Variants in ORC5 observed in about 807,000 individuals in gnomAD.
ORC5 encodes the protein protein phosphatase 1, regulatory subunit 117.
ORC5 carries 39 observed loss-of-function variants against 58.8 expected under a neutral mutation model. The observed-to-expected ratio is 0.66, with a 90% CI of 0.51 to 0.87. The LOEUF (loss-of-function observed/expected upper bound fraction) is 0.87. ORC5 is among the 40% of genes least tolerant of loss of function. The pLI is 0.00. For missense variants in ORC5, 493 were observed against 506.3 expected (o/e 0.97, Z 0.25); for synonymous variants, 218 against 177.6 (o/e 1.23, Z -1.81).
chr7:104,166,946 T>C (rs1799117457), intron 9 of ORC5, 62 bp from the exon 10 acceptor site: 2 of 900,326 alleles, frequency 2.2e-6, no homozygotes, highest in Admixed American at 4.1e-5. Flanking sequence ...TAAGTATCTC[T>C]TCTCACTTGA....
In ORC5 at chr7:104,126,545, G is replaced by T. The variant is rs1798431490; in HGVS notation, c.*303C>A. 1 of 269,678 alleles carries T rather than the reference G, an allele frequency of 3.7e-6. No homozygotes were observed. The highest frequency in any genetic ancestry group is 6.9e-6 in the Non-Finnish European group (1 of 144,314). 16.7% of individuals were successfully genotyped at this position (269,678 alleles called of 1,614,324 possible). A position where few individuals can be genotyped will look rare whatever the true frequency, so the allele number is the denominator to read the frequency against. ...GAGCAAAATGTAGTCCTAAGTAAAT[G>T]GGTTTCAGGCAATTTCAGTGTTAAG... On this transcript the variant is annotated 3_prime_UTR_variant, in exon 14 of 14. Coordinates refer to ENST00000297431, the MANE Select transcript of ORC5 (RefSeq NM_002553.4).
chr7:104,194,715 G>C (rs1799756889), intron 5 of ORC5, among the ~76,000 whole-genome samples: 1 of 152,022 alleles, frequency 6.6e-6, no homozygotes, highest in Non-Finnish European at 1.5e-5. Flanking sequence ...TACAAGTCTA[G>C]TCTGATTATT....
At chr7:104,193,027 A>G (rs962488170) in intron 5 of ORC5, among the ~76,000 whole-genome samples, 4 of 152,074 alleles carry the variant, frequency 2.6e-5, no homozygotes, top group Admixed American at 6.6e-5. Context: ...CACAAAAAAG[A>G]TAGAGAAGAA....
chr7:104,134,902 ATGG>A (rs768438836), intron 13 of ORC5, among the ~76,000 whole-genome samples: 9 of 152,152 alleles, frequency 5.9e-5, no homozygotes, highest in Non-Finnish European at 8.8e-5. Flanking sequence ...TGCTTATTCT[ATGG>A]ATATTGCCCA....
In ORC5 at chr7:104,136,862, G is replaced by A; in HGVS notation, c.1181C>T (p.Thr394Ile). The A allele has an allele frequency of 6.2e-7, 1 of 1,613,744 alleles. No individual in the cohort carries two copies. The highest frequency in any genetic ancestry group is 8.5e-7 in the Non-Finnish European group (1 of 1,179,698). ...AAGCTGATCGTCATGGCCAACCAGG[G>A]TTAACAGCTGAAGGGTCACTAGAGA... is the stretch of plus-strand genomic sequence containing the variant. ...ITSLVTLQLLTLVGHDDQLDG... is the reference protein window; with the variant it reads ...ITSLVTLQLLILVGHDDQLDG... The change falls in exon 13 of 14, where the codon ACC becomes ATC. Residue 394 changes from threonine to isoleucine, a missense_variant. This residue lies in a region of ORC5 where 77 missense variants were observed against 86.1 expected (regional missense o/e 0.89). Transcript: ENST00000297431. The surrounding 1 kb of genome is among the most constrained non-coding windows in gnomAD (Gnocchi z 4.2).
intron 6 of ORC5, among the ~76,000 whole-genome samples, chr7:104,185,027 C>T (rs73191412): frequency 0.16 from 20,553 of 130,000 alleles, 1,744 homozygotes; most frequent in South Asian, 0.27. Flanking sequence ...AACCAGCTGG[C>T]CCCCCTTTCT....
At chr7:104,177,571 T>A (rs545857606) in intron 8 of ORC5, among the ~76,000 whole-genome samples, 28 of 152,318 alleles carry the variant, frequency 1.8e-4, no homozygotes, top group Non-Finnish European at 2.9e-4. Context: ...ATTGTTTTTT[T>A]AAATTTTACT....
At chr7:104,170,957 GTC>G (rs1201562240) in intron 8 of ORC5, among the ~76,000 whole-genome samples, 1 of 151,866 alleles carries the variant, frequency 6.6e-6, no homozygotes, top group Non-Finnish European at 1.5e-5. Flanking sequence ...TTTCCTCAAT[GTC>G]TCTTACTATA....
intron 12 of ORC5, among the ~76,000 whole-genome samples, chr7:104,151,609 T>C (rs570812849): frequency 5.3e-5 from 8 of 152,308 alleles, no homozygotes; most frequent in Admixed American, 3.9e-4. Flanking sequence ...GAAATCTAGG[T>C]AAGGCTGAAA....
At chr7:104,183,893 A>G (rs780195491) in intron 8 of ORC5, 50 bp downstream of exon 8, 2 of 1,196,988 alleles carry the variant, frequency 1.7e-6, no homozygotes, top group East Asian at 4.7e-5. Context: ...GAGAGTATAT[A>G]TCCCAAATAA....
intron 5 of ORC5, among the ~76,000 whole-genome samples, chr7:104,192,179 T>C (rs780426425): frequency 2.7e-4 from 41 of 152,006 alleles, no homozygotes; most frequent in Admixed American, 5.2e-4. Flanking sequence ...TAGCTAGAAT[T>C]TGCAGGGCAG....
chr7:104,175,689 TGG>T (rs1799308167), intron 8 of ORC5, among the ~76,000 whole-genome samples: 3 of 152,234 alleles, frequency 2.0e-5, no homozygotes, highest in Admixed American at 1.3e-4. Flanking sequence ...TTTCTCTGTC[TGG>T]CATAAAAATG....
chr7:104,182,719 T>G (rs752404166), intron 8 of ORC5, among the ~76,000 whole-genome samples: 4 of 152,228 alleles, frequency 2.6e-5, no homozygotes, highest in African/African-American at 2.4e-5. Context: ...TTTGATTTAT[T>G]CAGTAGGTTC....
chr7:104,205,909 G>A (rs1255119056), intron 1 of ORC5, among the ~76,000 whole-genome samples: 1 of 152,204 alleles, frequency 6.6e-6, no homozygotes, highest in Admixed American at 6.5e-5. Context: ...CTCGGAGGCT[G>A]AGGTGGGCGG....
At position 104,136,870 on chromosome 7, in the gene ORC5, C is replaced by T; in HGVS notation, c.1173G>A (p.Gln391=). 1 of 1,613,380 alleles carries T rather than the reference C, an allele frequency of 6.2e-7. No homozygotes were observed. The highest frequency in any genetic ancestry group is 8.5e-7 in the Non-Finnish European group (1 of 1,179,364). ...CGTCATGGCCAACCAGGGTTAACAG[C>T]TGAAGGGTCACTAGAGAGGTAATCT... is the stretch of plus-strand genomic sequence containing the variant. ...FSQITSLVTL[Q]LLTLVGHDDQ... is the part of the protein sequence containing the mutation. The change falls in exon 13 of 14, where the codon CAG becomes CAA. Residue 391 remains glutamine, a synonymous_variant. Coordinates refer to ENST00000297431, the MANE Select transcript of ORC5 (RefSeq NM_002553.4). This position sits in a 1 kb window ranked among gnomAD's most constrained non-coding sequence, Gnocchi z 4.2.
intron 8 of ORC5, among the ~76,000 whole-genome samples, chr7:104,172,808 T>G (rs1298897170): frequency 2.6e-5 from 4 of 152,216 alleles, no homozygotes; most frequent in Non-Finnish European, 5.9e-5. Context: ...TCACACACTA[T>G]GTGCCACCAT....
rs2115723112 is a variant in ORC5 at position 104,129,550 on chromosome 7, G to T, written c.1263-2657C>A. ...ATTATTTTAAGACATGGCAGAATTT[G>T]TTAGAATAATCACAGGGGCAACATA... On this transcript the variant is annotated intron_variant, in intron 13 of 13. Coordinates refer to ENST00000297431, the MANE Select transcript of ORC5 (RefSeq NM_002553.4). The surrounding 1 kb of genome is among the most constrained non-coding windows in gnomAD (Gnocchi z 4.9). Among the ~76,000 whole-genome samples the T allele has an allele frequency of 6.6e-6, 1 of 152,218 alleles. No homozygotes were observed. The highest frequency in any genetic ancestry group is 1.5e-5 in the Non-Finnish European group (1 of 67,994).
intron 12 of ORC5, among the ~76,000 whole-genome samples, chr7:104,153,133 T>A: frequency 7.2e-6 from 1 of 139,718 alleles, no homozygotes; most frequent in Non-Finnish European, 1.5e-5. Flanking sequence ...TCCTTGGTAA[T>A]AATTAATACT....
chr7:104,185,269 A>G (rs1799519389), intron 6 of ORC5, among the ~76,000 whole-genome samples: 1 of 152,154 alleles, frequency 6.6e-6, no homozygotes, highest in Admixed American at 6.5e-5. Flanking sequence ...ATTAAAATTA[A>G]AAAATAAATT....
Sources: allele counts gnomAD v4.1 joint callset (sites outside exome capture counted in the v4.1 genomes callset), GRCh38; gene constraint gnomAD v4.1.1; regional missense constraint gnomAD v4.1.1; non-coding constraint Gnocchi (gnomAD v3.1); transcripts MANE v1.5; gene names NCBI Gene and HGNC (gene_info 2026-07-23, HGNC 2026-07-21).